CPNE4: variants seen among roughly 807,000 people sequenced by gnomAD.
CPNE4 encodes the protein copine-4.
CPNE4 carries 25 observed loss-of-function variants against 67.9 expected under a neutral mutation model. The observed-to-expected ratio is 0.37, with a 90% CI of 0.27 to 0.51. CPNE4 has a LOEUF of 0.51. CPNE4 is among the 20% of genes least tolerant of loss of function. The pLI, the probability that CPNE4 is intolerant of heterozygous loss-of-function variation, is 0.93. For synonymous variants in CPNE4, 242 were observed against 244.9 expected (o/e 0.99, Z 0.11); for missense variants, 464 against 690.8 (o/e 0.67, Z 3.68).
At chr3:131,952,192 G>A (rs1435629167) in intron 1 of CPNE4, among the ~76,000 whole-genome samples, 1 of 149,424 alleles carries the variant, frequency 6.7e-6, no homozygotes, top group East Asian at 2.0e-4. Context: ...CGTCTGAGAT[G>A]TGGGGAGCGC....
At chr3:131,736,153 C>G (rs535086916) in intron 2 of CPNE4, among the ~76,000 whole-genome samples, 69 of 147,852 alleles carry the variant, frequency 4.7e-4, no homozygotes, top group African/African-American at 1.6e-3. Context: ...CAGGGTAGTG[C>G]CCATGTGGCA....
In CPNE4 at chr3:131,540,820, G is replaced by A. The variant is rs367928852; in HGVS notation, c.1539+1737C>T. 2.0e-5 allele frequency among the ~76,000 whole-genome samples: 3 copies of A among 152,198 alleles called. No homozygotes were observed. In the East Asian group the frequency reaches 5.8e-4, roughly 29 times the overall value. On this transcript the variant is annotated intron_variant, in intron 15 of 15. Transcript: ENST00000429747. Reference sequence around the variant, plus strand: ...CCCTATGCAGGGAGGGACTGCAGTGGAAGTTAATGAAGATACTTTCCAGCA... The same window carrying A: ...CCCTATGCAGGGAGGGACTGCAGTGAAAGTTAATGAAGATACTTTCCAGCA...
chr3:131,668,994 TGGA>T (rs978516532), intron 7 of CPNE4, among the ~76,000 whole-genome samples: 14 of 152,168 alleles, frequency 9.2e-5, no homozygotes, highest in Non-Finnish European at 2.1e-4. Context: ...ACCTAGACTG[TGGA>T]GGAAGTGACC....
At chr3:131,996,853 G>C (rs552333363) in intron 1 of CPNE4, among the ~76,000 whole-genome samples, 1 of 152,070 alleles carries the variant, frequency 6.6e-6, no homozygotes. Flanking sequence ...CAGAGTTTCA[G>C]GAGACCTAGA....
intron 7 of CPNE4, among the ~76,000 whole-genome samples, chr3:131,658,772 A>T (rs774490827): frequency 1.3e-5 from 2 of 152,216 alleles, no homozygotes; most frequent in Non-Finnish European, 2.9e-5. Flanking sequence ...TTCTTTATGA[A>T]AGCTGATCTT....
chr3:131,910,439 C>T (rs975054272), intron 1 of CPNE4, among the ~76,000 whole-genome samples: 1 of 152,102 alleles, frequency 6.6e-6, no homozygotes, highest in African/African-American at 2.4e-5. Flanking sequence ...AGAAGCAAAG[C>T]CTGAAACAGG....
chr3:131,976,520 G>C (rs140198186), intron 1 of CPNE4, among the ~76,000 whole-genome samples: 2 of 152,166 alleles, frequency 1.3e-5, no homozygotes, highest in African/African-American at 2.4e-5. Flanking sequence ...TAGAAGGAAA[G>C]AGAAAACAAG....
At chr3:131,884,083 C>T (rs2087784770) in intron 2 of CPNE4, among the ~76,000 whole-genome samples, 1 of 152,182 alleles carries the variant, frequency 6.6e-6, no homozygotes, top group South Asian at 2.1e-4. Context: ...ATGTGTTACA[C>T]ATTTATTGTG....
At chr3:131,740,463 A>G (rs538241932) in intron 2 of CPNE4, among the ~76,000 whole-genome samples, 53 of 152,282 alleles carry the variant, frequency 3.5e-4, no homozygotes, top group African/African-American at 1.2e-3. Flanking sequence ...TAGATGCTCA[A>G]GCGAAAACCT....
chr3:131,785,258 C>A (rs115185974), intron 2 of CPNE4, among the ~76,000 whole-genome samples: 299 of 152,232 alleles, frequency 2.0e-3, no homozygotes, highest in African/African-American at 6.8e-3. Context: ...TCCTTGGTCA[C>A]ACTCTTCAGC....
chr3:131,871,972 T>A (rs1201515452), intron 2 of CPNE4, among the ~76,000 whole-genome samples: 4 of 152,154 alleles, frequency 2.6e-5, no homozygotes, highest in African/African-American at 9.7e-5. Flanking sequence ...CCAAGATATA[T>A]CCTGCCCCAC....
At chr3:131,982,771 A>G (rs1265305006) in intron 1 of CPNE4, among the ~76,000 whole-genome samples, 1 of 152,140 alleles carries the variant, frequency 6.6e-6, no homozygotes, top group Non-Finnish European at 1.5e-5. Context: ...AAATTGGCTT[A>G]TAATAAATTA....
chr3:131,688,930 A>G (rs977947389), intron 5 of CPNE4, among the ~76,000 whole-genome samples: 1 of 152,240 alleles, frequency 6.6e-6, no homozygotes, highest in South Asian at 2.1e-4. Context: ...TGCTTGTTGT[A>G]TACATATTTA....
At chr3:131,875,434 A>C (rs913392979) in intron 2 of CPNE4, among the ~76,000 whole-genome samples, 4 of 152,196 alleles carry the variant, frequency 2.6e-5, no homozygotes, top group Non-Finnish European at 4.4e-5. Flanking sequence ...ACCAACCCAA[A>C]TGTCCAACAA....
At chr3:131,859,958 G>T (rs1264481875) in intron 2 of CPNE4, among the ~76,000 whole-genome samples, 4 of 152,088 alleles carry the variant, frequency 2.6e-5, no homozygotes, top group Admixed American at 2.0e-4. Context: ...TCCATCCGCA[G>T]AATGACTCCA....
At chr3:131,855,504 T>C (rs2086406416) in intron 2 of CPNE4, among the ~76,000 whole-genome samples, 1 of 152,042 alleles carries the variant, frequency 6.6e-6, no homozygotes, top group Non-Finnish European at 1.5e-5. Flanking sequence ...GTAGTCTCTA[T>C]GTTTCATGAA....
intron 1 of CPNE4, among the ~76,000 whole-genome samples, chr3:131,951,008 G>C (rs2071705790): frequency 6.6e-6 from 1 of 152,078 alleles, no homozygotes; most frequent in South Asian, 2.1e-4. Context: ...TGACTGGTTT[G>C]TCTTGGCTAT....
At chr3:131,747,118 GTT>G (rs60764409) in intron 2 of CPNE4, among the ~76,000 whole-genome samples, 40,490 of 142,752 alleles carry the variant, frequency 0.28, 5,395 homozygotes, top group Middle Eastern at 0.36. Flanking sequence ...TTAAAATCAT[GTT>G]TTTTTTTTTT....
chr3:131,742,255 G>A (rs1438120826), intron 2 of CPNE4, among the ~76,000 whole-genome samples: 1 of 152,146 alleles, frequency 6.6e-6, no homozygotes, highest in Non-Finnish European at 1.5e-5. Flanking sequence ...GGCTGGATAA[G>A]GGAAAATTTA....
Sources: allele counts gnomAD v4.1 joint callset (sites outside exome capture counted in the v4.1 genomes callset), GRCh38; gene constraint gnomAD v4.1.1; transcripts MANE v1.5; gene names NCBI Gene and HGNC (gene_info 2026-07-23, HGNC 2026-07-21).